The following FOXP1 variants were observed in gnomAD, a reference collection of about 807,000 sequenced individuals.
FOXP1 encodes the protein forkhead box protein P1.
Under a neutral mutation model 98.2 loss-of-function variants are expected in FOXP1, and 15 were observed. That is an observed-to-expected ratio of 0.15 (90% CI 0.10 to 0.24). The LOEUF is 0.24. Among genes scored for constraint, FOXP1 ranks in the 10% least tolerant of loss-of-function variants. The pLI, the probability that FOXP1 is intolerant of heterozygous loss-of-function variation, is 1.00. For synonymous variants in FOXP1, 371 were observed against 314.5 expected, an observed-to-expected ratio of 1.18 and a Z score of -1.90; for missense variants, 633 against 848.5, an observed-to-expected ratio of 0.75 and a Z score of 3.15.
rs1276389736 is a variant in FOXP1, at chr3:70,958,233, TCCGAAACACCCCTCCC to T, written c.*998_*1013del. On this transcript the variant is annotated 3_prime_UTR_variant, in exon 21 of 21. Transcript: ENST00000649528. ...AAGAAAAGAAAAGAAAAAAAGAAAATCCGAAACACCCCTCCCCCGAACCACCCCCAATACTGCTGCG... is the reference window on the plus strand; with the variant it reads ...AAGAAAAGAAAAGAAAAAAAGAAAATCCGAACCACCCCCAATACTGCTGCG... The T allele has an allele frequency of 9.1e-6, 4 of 439,682 alleles. No individual in the cohort carries two copies. The highest frequency in any genetic ancestry group is 6.5e-5 in the African/African-American group (3 of 46,152). The allele number at this position is 439,682 out of a possible 1,614,324, so 27.2% of individuals were successfully genotyped here.
intron 13 of FOXP1, among the ~76,000 whole-genome samples, chr3:70,991,996 G>A (rs951081432): frequency 1.3e-5 from 2 of 152,154 alleles, no homozygotes; most frequent in Admixed American, 1.3e-4. Flanking sequence ...TGAAAAGAAG[G>A]TGTCTTTTCA....
At chr3:71,133,062 A>G (rs549084666) in intron 6 of FOXP1, among the ~76,000 whole-genome samples, 31 of 152,300 alleles carry the variant, frequency 2.0e-4, no homozygotes, top group African/African-American at 7.5e-4. Flanking sequence ...ATGTTGTTGC[A>G]ATTGTTAGAT....
intron 6 of FOXP1, among the ~76,000 whole-genome samples, chr3:71,115,269 C>T (rs2058271096): frequency 6.6e-6 from 1 of 151,756 alleles, no homozygotes; most frequent in African/African-American, 2.4e-5. Context: ...TTACCACATT[C>T]CACCAAATAC....
intron 6 of FOXP1, among the ~76,000 whole-genome samples, chr3:71,112,868 G>A (rs532128607): frequency 6.6e-6 from 1 of 152,224 alleles, no homozygotes; most frequent in East Asian, 1.9e-4. Flanking sequence ...AGGCATCTAA[G>A]CAGACATTTT....
chr3:71,446,866 ATACCAG>A (rs2086494776), intron 3 of FOXP1, among the ~76,000 whole-genome samples: 1 of 152,260 alleles, frequency 6.6e-6, no homozygotes, highest in African/African-American at 2.4e-5. Flanking sequence ...ATACTTGTGT[ATACCAG>A]TACATCTATT....
At chr3:71,281,039 C>CAAAAAAAAAA (rs55640213) in intron 5 of FOXP1, among the ~76,000 whole-genome samples, 1 of 83,540 alleles carries the variant, frequency 1.2e-5, no homozygotes. Context: ...CCCTTCTCTA[C>CAAAAAAAAAA]AAAAAAAAAA....
chr3:71,419,234 C>CAAAAAAAA (rs36072859), intron 3 of FOXP1, among the ~76,000 whole-genome samples: 4 of 47,828 alleles, frequency 8.4e-5, no homozygotes, highest in African/African-American at 2.1e-4. Flanking sequence ...GACTCCATCT[C>CAAAAAAAA]AAAAAAAAAA....
At chr3:71,195,051 T>C (rs900183937) in intron 6 of FOXP1, among the ~76,000 whole-genome samples, 2 of 152,202 alleles carry the variant, frequency 1.3e-5, no homozygotes, top group African/African-American at 2.4e-5. Context: ...GAGGGCTCCC[T>C]GTCTTCAATA....
chr3:71,214,311 T>A (rs772370163), intron 5 of FOXP1, among the ~76,000 whole-genome samples: 1 of 152,220 alleles, frequency 6.6e-6, no homozygotes, highest in Non-Finnish European at 1.5e-5. Flanking sequence ...ACCTTAATCA[T>A]GCTGTCACGA....
At chr3:71,505,696 A>G (rs181231069) in intron 2 of FOXP1, among the ~76,000 whole-genome samples, 165 of 152,170 alleles carry the variant, frequency 1.1e-3, no homozygotes, top group African/African-American at 3.9e-3. Context: ...AAATGCTGGG[A>G]TTACAGGCGT....
intron 2 of FOXP1, among the ~76,000 whole-genome samples, chr3:71,534,680 T>A (rs1330332731): frequency 1.3e-5 from 2 of 152,162 alleles, no homozygotes; most frequent in African/African-American, 4.8e-5. Flanking sequence ...TGGGGTTGGA[T>A]GGGGTTGAGA....
At position 71,177,840 on chromosome 3, in the gene FOXP1, CTTTT is replaced by C. The variant is rs397704711; in HGVS notation, c.180+20358_180+20361del. Among the ~76,000 whole-genome samples the C allele has an allele frequency of 4.5e-3, 518 of 114,924 alleles. 4 individuals carry two copies. Among genetic ancestry groups the C allele is most frequent in the Non-Finnish European group, 6.7e-3 (392 of 58,834 alleles). The allele number at this position is 114,924 out of a possible 152,430, so 75.4% of individuals were successfully genotyped here. On this transcript the variant is annotated intron_variant, in intron 6 of 20. Transcript: ENST00000649528. Reference sequence around the variant, plus strand: ...ATAGTTTATTTTCTTTTCTTTCTTTCTTTTTTTTTTTTTTTTTTTGAGAAAGGGT... The same window carrying C: ...ATAGTTTATTTTCTTTTCTTTCTTTCTTTTTTTTTTTTTTTGAGAAAGGGT...
In FOXP1 at chr3:71,183,448, G is replaced by A. The variant is rs547450904; in HGVS notation, c.180+14754C>T. On this transcript the variant is annotated intron_variant, in intron 6 of 20. Coordinates refer to ENST00000649528, the MANE Select transcript of FOXP1 (RefSeq NM_001349338.3). The stretch of plus-strand genomic sequence containing the variant: ...CAGGAGGCGGAGGTTGCAGTGAGCC[G>A]AGATGGCCCCACTGCACTGCAGTCT... Among the ~76,000 whole-genome samples, 13 of 152,194 alleles carry A rather than the reference G, an allele frequency of 8.5e-5. 1 individual carries two copies. Among genetic ancestry groups the A allele is most frequent in the South Asian group, 6.2e-4 (3 of 4,822 alleles).
At chr3:71,125,419 T>C (rs1461966411) in intron 6 of FOXP1, among the ~76,000 whole-genome samples, 2 of 152,132 alleles carry the variant, frequency 1.3e-5, no homozygotes, top group Non-Finnish European at 2.9e-5. Context: ...ACATGACCGA[T>C]TAAAAAAAAT....
intron 6 of FOXP1, among the ~76,000 whole-genome samples, chr3:71,152,297 C>A (rs1252124191): frequency 6.6e-6 from 1 of 152,150 alleles, no homozygotes; most frequent in Non-Finnish European, 1.5e-5. Flanking sequence ...TCCCAAGCCT[C>A]AGGTGGGACC....
chr3:71,303,561 T>C (rs1430750928), intron 4 of FOXP1, among the ~76,000 whole-genome samples: 1 of 152,214 alleles, frequency 6.6e-6, no homozygotes, highest in African/African-American at 2.4e-5. Flanking sequence ...GGCTTTAATA[T>C]CTTGTTTTTC....
intron 5 of FOXP1, among the ~76,000 whole-genome samples, chr3:71,206,435 T>C (rs2064040601): frequency 6.6e-6 from 1 of 152,194 alleles, no homozygotes; most frequent in African/African-American, 2.4e-5. Flanking sequence ...AATATATATA[T>C]GGACAATTCA....
chr3:71,533,464 T>C (rs1197695580), intron 2 of FOXP1, among the ~76,000 whole-genome samples: 1 of 152,232 alleles, frequency 6.6e-6, no homozygotes, highest in Non-Finnish European at 1.5e-5. Context: ...ATATTATATA[T>C]GGAACATACA....
intron 3 of FOXP1, among the ~76,000 whole-genome samples, chr3:71,422,161 A>G (rs1328206377): frequency 1.3e-5 from 2 of 152,214 alleles, no homozygotes; most frequent in African/African-American, 2.4e-5. Flanking sequence ...GCTTTCTAAC[A>G]CAAGTCAAGG....
Sources: gnomAD v4.1 joint callset for allele counts (sites outside exome capture counted in the v4.1 genomes callset) on GRCh38, gnomAD v4.1.1 for gene constraint, MANE v1.5 for transcripts, NCBI Gene and HGNC (gene_info 2026-07-23, HGNC 2026-07-21) for gene names.